Variants in ITFG1 observed in about 807,000 individuals in gnomAD.
ITFG1 encodes integrin alpha FG-GAP repeat containing 1.
ITFG1 carries 34 observed loss-of-function variants against 81.8 expected under a neutral mutation model. The observed-to-expected ratio is 0.42, with a 90% confidence interval of 0.32 to 0.55. ITFG1 has a LOEUF of 0.55. Ranked by LOEUF, ITFG1 falls within the 20% of genes least tolerant of loss-of-function variation. The pLI is 0.17. For synonymous variants in ITFG1, 285 were observed against 270.6 expected, an observed-to-expected ratio of 1.05 and a Z score of -0.52; for missense variants, 672 against 755.4, an observed-to-expected ratio of 0.89 and a Z score of 1.29.
rs1157507669 is a variant in ITFG1, at chr16:47,173,915, C to G, written c.1454-11251G>C. On this transcript the variant is annotated intron_variant, in intron 14 of 17. Coordinates refer to ENST00000320640, the MANE Select transcript of ITFG1 (RefSeq NM_030790.5). ...ATTAGCTGGGCATGGTGGCACGTGC[C>G]TGTAGTCCCAGCTACTTGGGAGGCT... is the stretch of plus-strand genomic sequence containing the variant. Among the ~76,000 whole-genome samples the G allele has an allele frequency of 2.0e-5, 3 of 152,138 alleles. No individual in the cohort carries two copies. In the East Asian group the frequency reaches 5.8e-4, roughly 29 times the overall value.
chr16:47,388,163 G>A (rs1031793117), intron 6 of ITFG1, among the ~76,000 whole-genome samples: 1 of 151,918 alleles, frequency 6.6e-6, no homozygotes, highest in African/African-American at 2.4e-5. Flanking sequence ...GAGAAAAAAA[G>A]GATAAGGAAA....
rs560707703 is a variant in ITFG1, at chr16:47,185,524, T to C, written c.1454-22860A>G. ...TCCTGAATGACTACTGGGTACATAA[T>C]GAAATGAAGGCAGAAATAAAGATGT... On this transcript the variant is annotated intron_variant, in intron 14 of 17. Transcript: ENST00000320640. Among the ~76,000 whole-genome samples, 441 of 152,140 alleles carry C rather than the reference T, an allele frequency of 2.9e-3. 2 individuals carry two copies. The highest frequency in any genetic ancestry group is 0.01 in the African/African-American group (419 of 41,496).
chr16:47,299,350 T>G (rs578211216), intron 10 of ITFG1: 1 of 152,568 alleles, frequency 6.6e-6, no homozygotes, highest in African/African-American at 2.4e-5. Context: ...AACTTGGTGA[T>G]GTACTTGGGT....
chr16:47,305,192 C>T (rs982608944), intron 10 of ITFG1, among the ~76,000 whole-genome samples: 1 of 152,146 alleles, frequency 6.6e-6, no homozygotes, highest in Non-Finnish European at 1.5e-5. Flanking sequence ...TACTCTCTCT[C>T]TGTAATTAAT....
At chr16:47,156,085 A>G (rs535622278) in intron 17 of ITFG1, among the ~76,000 whole-genome samples, 113 of 152,368 alleles carry the variant, frequency 7.4e-4, no homozygotes, top group African/African-American at 2.4e-3. Context: ...ATTAGATTCT[A>G]TAAGGATGAA....
chr16:47,440,256 T>A (rs1469792261), intron 5 of ITFG1, among the ~76,000 whole-genome samples: 1 of 152,178 alleles, frequency 6.6e-6, no homozygotes, highest in Non-Finnish European at 1.5e-5. Context: ...AACACCTCAC[T>A]GTAAACATTA....
chr16:47,314,239 G>A (rs1259339297), intron 8 of ITFG1, among the ~76,000 whole-genome samples: 1 of 152,120 alleles, frequency 6.6e-6, no homozygotes, highest in Admixed American at 6.6e-5. Flanking sequence ...ATTTCAGCCT[G>A]TAATGTTAAA....
chr16:47,460,798 C>A, intron 1 of ITFG1, 40 bp downstream of exon 1: 1 of 1,603,344 alleles, frequency 6.2e-7, no homozygotes, highest in South Asian at 1.1e-5. Context: ...GGGAGAGGCA[C>A]ACGGACAGCG....
chr16:47,364,466 A>C (rs1449575427), intron 8 of ITFG1, among the ~76,000 whole-genome samples: 1 of 152,232 alleles, frequency 6.6e-6, no homozygotes, highest in Admixed American at 6.5e-5. Flanking sequence ...TAAGGGGGTC[A>C]GAGAGATCTC....
At chr16:47,415,586 C>G (rs1968863334) in intron 6 of ITFG1, among the ~76,000 whole-genome samples, 1 of 152,084 alleles carries the variant, frequency 6.6e-6, no homozygotes, top group African/African-American at 2.4e-5. Flanking sequence ...ATAGAAAAAA[C>G]AGAAATGGTT....
intron 14 of ITFG1, among the ~76,000 whole-genome samples, chr16:47,186,739 T>C (rs1253984915): frequency 2.0e-5 from 3 of 152,190 alleles, no homozygotes; most frequent in Admixed American, 6.5e-5. Flanking sequence ...CTTTTCAACC[T>C]AGTGTTGGAA....
chr16:47,334,285 G>A (rs760092520), intron 8 of ITFG1, among the ~76,000 whole-genome samples: 30 of 152,072 alleles, frequency 2.0e-4, no homozygotes, highest in Admixed American at 1.2e-3. Flanking sequence ...GAAGTTAGCT[G>A]GGTGTGCTGG....
chr16:47,279,185 G>A (rs1468045276), intron 10 of ITFG1, among the ~76,000 whole-genome samples: 3 of 152,068 alleles, frequency 2.0e-5, no homozygotes, highest in Non-Finnish European at 4.4e-5. Context: ...TGTGTTTCTG[G>A]TGTCATGGCT....
At chr16:47,376,754 G>A (rs1000508847) in intron 6 of ITFG1, among the ~76,000 whole-genome samples, 9 of 152,042 alleles carry the variant, frequency 5.9e-5, no homozygotes, top group East Asian at 1.9e-4. Flanking sequence ...TTGGGAAGCC[G>A]AGGTGGCAGA....
chr16:47,436,546 C>T (rs1315404345), intron 5 of ITFG1, among the ~76,000 whole-genome samples: 2 of 152,074 alleles, frequency 1.3e-5, no homozygotes, highest in East Asian at 3.9e-4. Context: ...TGCATTCTTG[C>T]TAGAATGAGA....
At chr16:47,441,819 G>A (rs1442217656) in intron 5 of ITFG1, among the ~76,000 whole-genome samples, 2 of 152,102 alleles carry the variant, frequency 1.3e-5, no homozygotes, top group South Asian at 2.1e-4. Context: ...AGTGTTGGAA[G>A]TTCTGGCCAG....
At chr16:47,453,991 A>C (rs1399748990) in intron 3 of ITFG1, 22 bp downstream of exon 3, 3 of 1,493,512 alleles carry the variant, frequency 2.0e-6, no homozygotes, top group Non-Finnish European at 2.7e-6. Flanking sequence ...ATAAATATTA[A>C]AAATTTTTAA....
chr16:47,287,247 T>A (rs770825703), intron 10 of ITFG1, among the ~76,000 whole-genome samples: 44 of 152,136 alleles, frequency 2.9e-4, no homozygotes, highest in Admixed American at 7.2e-4. Flanking sequence ...TATTTACATA[T>A]AATTTTTTCT....
intron 5 of ITFG1, among the ~76,000 whole-genome samples, chr16:47,433,259 T>A (rs1969116265): frequency 6.6e-6 from 1 of 152,178 alleles, no homozygotes; most frequent in Non-Finnish European, 1.5e-5. Context: ...TAAAGATGTG[T>A]TTTATTGGGC....
Sources: gnomAD v4.1 joint callset for allele counts (sites outside exome capture counted in the v4.1 genomes callset) on GRCh38, gnomAD v4.1.1 for gene constraint, MANE v1.5 for transcripts, NCBI Gene and HGNC (gene_info 2026-07-23, HGNC 2026-07-21) for gene names.